The following CSK variants were observed in gnomAD, a reference collection of about 807,000 sequenced individuals.
CSK encodes the protein tyrosine-protein kinase CSK.
CSK carries 7 observed loss-of-function variants against 62.3 expected under a neutral mutation model. The ratio of observed to expected loss-of-function variants is 0.11; its 90% confidence interval spans 0.06 to 0.21. The LOEUF (loss-of-function observed/expected upper bound fraction) is 0.21, where lower values mean the gene tolerates loss of function less well. Ranked by LOEUF, CSK falls within the 10% of genes least tolerant of loss-of-function variation. The pLI, the probability that CSK is intolerant of heterozygous loss-of-function variation, is 1.00. For synonymous variants in CSK, 237 were observed against 246.0 expected, an observed-to-expected ratio of 0.96 and a Z score of 0.34; for missense variants, 294 against 613.5, an observed-to-expected ratio of 0.48 and a Z score of 5.50.
intron 1 of CSK, among the ~76,000 whole-genome samples, chr15:74,786,312 C>T (rs1273197692): frequency 3.3e-5 from 5 of 152,064 alleles, no homozygotes; most frequent in South Asian, 2.1e-4. Flanking sequence ...TGAGCCACTG[C>T]GCCTCTTCTG....
In CSK at chr15:74,801,085, A is replaced by G. The variant is rs777897715; in HGVS notation, c.796A>G (p.Thr266Ala). ...VEEKGGLYIV[T>A]EYMAKGSLVD... ...GGAGAAGGGCGGGCTCTACATCGTC[A>G]CTGAGTACATGGCCAAGGTGGGCAC... The change falls in exon 9 of 13, where the codon ACT (threonine) becomes GCT (alanine). Residue 266 changes from threonine (T) to alanine (A), a missense_variant. Physicochemically the swap from Thr to Ala is moderately conservative, Grantham distance 58 (BLOSUM62 0). This residue lies in a region of CSK where 202 missense variants were observed against 415.7 expected (regional missense o/e 0.49). Transcript: ENST00000220003. The G allele has an allele frequency of 6.2e-7, 1 of 1,613,260 alleles. No homozygotes were observed. The highest frequency in any genetic ancestry group is 8.5e-7 in the Non-Finnish European group (1 of 1,179,986).
intron 1 of CSK, among the ~76,000 whole-genome samples, chr15:74,784,982 C>T (rs1016477469): frequency 1.3e-5 from 2 of 151,716 alleles, no homozygotes; most frequent in African/African-American, 2.4e-5. Context: ...AGCTAGGGAG[C>T]AGGTGGGTCC....
intron 1 of CSK, among the ~76,000 whole-genome samples, chr15:74,789,988 T>C (rs2063593147): frequency 6.6e-6 from 1 of 152,176 alleles, no homozygotes; most frequent in Admixed American, 6.5e-5. Context: ...CTTGAGTCCT[T>C]TCCTTCTCCA....
In CSK at chr15:74,800,819, C is replaced by A; in HGVS notation, c.623-4C>A. The A allele has an allele frequency of 6.2e-7, 1 of 1,610,908 alleles. No individual in the cohort carries two copies. The highest frequency in any genetic ancestry group is 2.2e-5 in the East Asian group (1 of 44,746). On this transcript the variant is annotated splice_region_variant and splice_polypyrimidine_tract_variant and intron_variant, in intron 7 of 12. Coordinates refer to ENST00000220003, the MANE Select transcript of CSK (RefSeq NM_004383.3). Reference sequence around the variant, plus strand: ...TGGGAACAAGACCACCTCTCTGCCCCCAGACGTGATGCTGGGCGATTACCG... The same window carrying A: ...TGGGAACAAGACCACCTCTCTGCCCACAGACGTGATGCTGGGCGATTACCG...
At position 74,786,013 on chromosome 15, in the gene CSK, T is replaced by TTTTG; in HGVS notation, c.-66+3294_-66+3295insTTGT. Among the ~76,000 whole-genome samples, 38 of 47,840 alleles carry TTTTG rather than the reference T, an allele frequency of 7.9e-4. 2 individuals carry two copies. The highest frequency in any genetic ancestry group is 4.3e-4 in the East Asian group (1 of 2,346). 31.4% of individuals were successfully genotyped at this position (47,840 alleles called of 152,430 possible). On this transcript the variant is annotated intron_variant, in intron 1 of 12. Transcript: ENST00000220003. ...CTCTCTCTCTCTCTCTTTTTTTTTT[T>TTTTG]TGTGTGTGTGTGTGTGTGTGTGTGT...
At chr15:74,794,621 C>T (rs978586912) in intron 1 of CSK, among the ~76,000 whole-genome samples, 1 of 152,164 alleles carries the variant, frequency 6.6e-6, no homozygotes, top group Non-Finnish European at 1.5e-5. Context: ...TTTCCAAGTT[C>T]AGGGTTTCAT....
At chr15:74,796,964 A>G (rs939390046) in intron 1 of CSK, among the ~76,000 whole-genome samples, 2 of 152,132 alleles carry the variant, frequency 1.3e-5, no homozygotes, top group Non-Finnish European at 2.9e-5. Context: ...ATTTAGAGGC[A>G]GGGTCTCACT....
chr15:74,783,134 T>C (rs1182037365), intron 1 of CSK, among the ~76,000 whole-genome samples: 1 of 152,028 alleles, frequency 6.6e-6, no homozygotes, highest in Non-Finnish European at 1.5e-5. Context: ...CCTCCCTCAT[T>C]ACCCCACCAT....
At chr15:74,786,012 T>TG (rs1567214218) in intron 1 of CSK, among the ~76,000 whole-genome samples, 16 of 122,634 alleles carry the variant, frequency 1.3e-4, no homozygotes, top group African/African-American at 1.8e-4. Context: ...CTTTTTTTTT[T>TG]TTGTGTGTGT....
intron 1 of CSK, among the ~76,000 whole-genome samples, chr15:74,786,813 A>T (rs36059448): frequency 6.6e-6 from 1 of 152,254 alleles, no homozygotes; most frequent in Non-Finnish European, 1.5e-5. Flanking sequence ...GCCCAGGACT[A>T]ACCTAAGGAA....
chr15:74,785,920 G>T (rs565512999), intron 1 of CSK, among the ~76,000 whole-genome samples: 1 of 152,110 alleles, frequency 6.6e-6, no homozygotes, highest in South Asian at 2.1e-4. Context: ...GTTAGGGTCC[G>T]GGACCTGACT....
chr15:74,788,031 CTG>C (rs2063551301), intron 1 of CSK, among the ~76,000 whole-genome samples: 1 of 152,206 alleles, frequency 6.6e-6, no homozygotes, highest in South Asian at 2.1e-4. Context: ...GGTAGGAGCT[CTG>C]AAGCTGGGGC....
Position 74,801,570 on chromosome 15 carries a change from G to A in CSK, c.862G>A (p.Gly288Arg), listed in dbSNP as rs780302906. The change falls in exon 10 of 13, where the codon GGA (glycine) becomes AGA (arginine). Residue 288 changes from glycine (G) to arginine (R), a missense_variant. Gly to Arg is a moderately radical substitution (Grantham distance 125). Coordinates refer to ENST00000220003, the MANE Select transcript of CSK (RefSeq NM_004383.3). ...LRSRGRSVLG[G>R]DCLLKFSLDV... ...GTCTAGGGGTCGGTCAGTGCTGGGCGGAGACTGTCTCCTCAAGTTCTCGCT... is the reference window on the plus strand; with the variant it reads ...GTCTAGGGGTCGGTCAGTGCTGGGCAGAGACTGTCTCCTCAAGTTCTCGCT... 7.4e-6 allele frequency: 12 copies of A among 1,613,918 alleles called. No individual in the cohort carries two copies. Among genetic ancestry groups the A allele is most frequent in the South Asian group, 2.2e-5 (2 of 91,056 alleles).
chr15:74,798,671 C>T lies in CSK; in HGVS notation c.72C>T (p.Ala24=), dbSNP rs55904036. The part of the protein sequence containing the change: ...CIAKYNFHGT[A]EQDLPFCKGD... ...CCAAGTACAACTTCCACGGCACTGC[C>T]GAGCAGGACCTGCCCTTCTGCAAAG... The change falls in exon 3 of 13, where the codon GCC becomes GCT. Residue 24 remains alanine, a synonymous_variant. Coordinates refer to ENST00000220003, the MANE Select transcript of CSK (RefSeq NM_004383.3). This position sits in a 1 kb window ranked among gnomAD's most constrained non-coding sequence, Gnocchi z 6.6. 2.8e-4 allele frequency: 448 copies of T among 1,613,706 alleles called. 4 individuals carry two copies. The East Asian group carries it at 9.1e-3, about 33-fold the overall frequency.
chr15:74,789,125 G>A (rs1265143476), intron 1 of CSK, among the ~76,000 whole-genome samples: 1 of 152,132 alleles, frequency 6.6e-6, no homozygotes, highest in African/African-American at 2.4e-5. Flanking sequence ...TTGGGGGCAG[G>A]GGAAAAAAAG....
rs979623672 is a variant in CSK, at chr15:74,799,398, C to T, written c.369C>T (p.Asp123=). The part of the protein sequence containing the change: ...PGDYTLCVSC[D]GKVEHYRIMY... ...ACTACACGCTGTGCGTGAGCTGCGA[C>T]GGCAAGGTGGAGCACTACCGCATCA... is the stretch of plus-strand genomic sequence containing the variant. Residue 123 remains aspartate (D), a synonymous_variant, in exon 5 of 13, where the codon GAC becomes GAT. Transcript: ENST00000220003. 7 of 1,613,562 alleles carry T rather than the reference C, an allele frequency of 4.3e-6. No individual in the cohort carries two copies. Among genetic ancestry groups the T allele is most frequent in the Admixed American group, 1.7e-5 (1 of 60,004 alleles).
chr15:74,792,119 C>G (rs1293406351), intron 1 of CSK, among the ~76,000 whole-genome samples: 1 of 152,102 alleles, frequency 6.6e-6, no homozygotes, highest in African/African-American at 2.4e-5. Context: ...CTATGCTGTC[C>G]CCTTTCAGGG....
At position 74,798,608 on chromosome 15, in the gene CSK, C is replaced by T. The variant is rs1567218291; in HGVS notation, c.16-7C>T. 2 of 1,612,696 alleles carry T rather than the reference C, an allele frequency of 1.2e-6. No individual in the cohort carries two copies. The highest frequency in any genetic ancestry group is 1.7e-5 in the Admixed American group (1 of 59,988). Reference sequence around the variant, plus strand: ...CTGCACCCGCCCACGTGTCACCTGCCTTGCAGGCCGCCTGGCCATCCGGTA... The same window carrying T: ...CTGCACCCGCCCACGTGTCACCTGCTTTGCAGGCCGCCTGGCCATCCGGTA... On this transcript the variant is annotated splice_region_variant and splice_polypyrimidine_tract_variant and intron_variant, in intron 2 of 12. Transcript: ENST00000220003. This position sits in a 1 kb window ranked among gnomAD's most constrained non-coding sequence, Gnocchi z 6.6.
Position 74,800,881 on chromosome 15 carries a change from C to T in CSK, c.681C>T (p.Asp227=), listed in dbSNP as rs534426151. Residue 227 remains aspartate (D), a synonymous_variant, in exon 8 of 13, where the codon GAC becomes GAT. Transcript: ENST00000220003. Reference sequence around the variant, plus strand: ...TCGCCGTCAAGTGCATTAAGAACGACGCCACTGCCCAGGCCTTCCTGGCTG... The same window carrying T: ...TCGCCGTCAAGTGCATTAAGAACGATGCCACTGCCCAGGCCTTCCTGGCTG... ...NKVAVKCIKN[D]ATAQAFLAEA... The T allele has an allele frequency of 1.2e-5, 20 of 1,613,218 alleles. No homozygotes were observed. In the Admixed American group the frequency reaches 1.5e-4, roughly 12 times the overall value.
Sources: allele counts gnomAD v4.1 joint callset (sites outside exome capture counted in the v4.1 genomes callset), GRCh38; gene constraint gnomAD v4.1.1; regional missense constraint gnomAD v4.1.1; non-coding constraint Gnocchi (gnomAD v3.1); transcripts MANE v1.5; gene names NCBI Gene and HGNC (gene_info 2026-07-23, HGNC 2026-07-21).